The following SANBR variants were observed in gnomAD, a reference collection of about 807,000 sequenced individuals.
SANBR encodes the protein SANT and BTB domain regulator of CSR, also known as SANT and BTB domain regulator of class switch recombination.
SANBR carries 77 observed loss-of-function variants against 101.8 expected under a neutral mutation model. The observed-to-expected ratio is 0.76, with a 90% CI of 0.63 to 0.91. SANBR has a LOEUF of 0.91. Ranked by LOEUF, SANBR falls within the 40% of genes least tolerant of loss-of-function variation. The pLI, the probability that SANBR is intolerant of heterozygous loss-of-function variation, is 0.00. For missense variants in SANBR, 875 were observed against 853.0 expected, an observed-to-expected ratio of 1.03 and a Z score of -0.32; for synonymous variants, 279 against 274.7, an observed-to-expected ratio of 1.02 and a Z score of -0.15.
At chr2:61,091,623 G>T (rs1682765720) in intron 10 of SANBR, among the ~76,000 whole-genome samples, 1 of 7,400 alleles carries the variant, frequency 1.4e-4, no homozygotes, top group Admixed American at 2.3e-3. Flanking sequence ...AGCCAGGTGT[G>T]ATGACACATA....
At chr2:61,114,573 C>G (rs1304550449) in intron 16 of SANBR, among the ~76,000 whole-genome samples, 1 of 152,200 alleles carries the variant, frequency 6.6e-6, no homozygotes, top group African/African-American at 2.4e-5. Context: ...TTCCCACCAT[C>G]CTGACTGAAC....
chr2:61,097,047 A>G (rs1462876171), intron 11 of SANBR, among the ~76,000 whole-genome samples: 2 of 152,076 alleles, frequency 1.3e-5, no homozygotes, highest in African/African-American at 2.4e-5. Flanking sequence ...CCAGCTACTC[A>G]GGAGGCTGAG....
At position 61,087,765 on chromosome 2, in the gene SANBR, C is replaced by G. The variant is rs143871099; in HGVS notation, c.891-394C>G. Among the ~76,000 whole-genome samples, 285 of 151,842 alleles carry G rather than the reference C, an allele frequency of 1.9e-3. 2 individuals carry two copies. Among genetic ancestry groups the G allele is most frequent in the African/African-American group, 6.6e-3 (273 of 41,398 alleles). ...ACTCGGGATGCTCAGGCAGGATAAT[C>G]GCTTGAACCCGGAAGGCAGAGGTTG... is the stretch of plus-strand genomic sequence containing the variant. On this transcript the variant is annotated intron_variant, in intron 8 of 21. Transcript: ENST00000402291.
intron 7 of SANBR, among the ~76,000 whole-genome samples, chr2:61,081,837 C>CG: frequency 6.6e-6 from 1 of 151,984 alleles, no homozygotes; most frequent in Admixed American, 6.6e-5. Context: ...TTTGTAGAGA[C>CG]GGGGTTTTGC....
intron 20 of SANBR, 111 bp downstream of exon 20, chr2:61,118,227 A>G (rs1684169317): frequency 1.4e-6 from 1 of 711,522 alleles, no homozygotes; most frequent in Non-Finnish European, 2.3e-6. Flanking sequence ...AGAGTAATTT[A>G]TGTGTTTGTT....
intron 12 of SANBR, among the ~76,000 whole-genome samples, chr2:61,099,051 A>G (rs759454091): frequency 2.0e-5 from 3 of 152,212 alleles, no homozygotes; most frequent in Non-Finnish European, 4.4e-5. Flanking sequence ...GAAAGGAAAG[A>G]GCATTCTAGT....
intron 21 of SANBR, 77 bp downstream of exon 21, chr2:61,121,353 C>G (rs1573671757): frequency 1.1e-6 from 1 of 875,132 alleles, no homozygotes; most frequent in Non-Finnish European, 1.8e-6. Flanking sequence ...CATATGAACA[C>G]TAGAAACATA....
intron 16 of SANBR, 61 bp downstream of exon 16, chr2:61,109,357 CT>C: frequency 3.2e-6 from 3 of 928,768 alleles, no homozygotes; most frequent in South Asian, 2.0e-5. Flanking sequence ...ATTCTGAAGC[CT>C]TTAATGCAAG....
chr2:61,116,885 TC>T, intron 17 of SANBR, among the ~76,000 whole-genome samples: 1 of 151,896 alleles, frequency 6.6e-6, no homozygotes, highest in Non-Finnish European at 1.5e-5. Context: ...AAACCCCATT[TC>T]TACTAAAAAA....
rs141315892 is a variant in SANBR, at chr2:61,081,485, C to T, written c.704C>T (p.Ser235Leu). 2.5e-5 allele frequency: 38 copies of T among 1,541,798 alleles called. No individual in the cohort carries two copies. The highest frequency in any genetic ancestry group is 7.5e-5 in the South Asian group (6 of 79,552). The change falls in exon 7 of 22, where the codon TCG (serine) becomes TTG (leucine). Residue 235 changes from serine (S) to leucine (L), a missense_variant. Transcript: ENST00000402291. The stretch of plus-strand genomic sequence containing the variant: ...AATGTCATTTCAATTCTTATTTCTT[C>T]GGAGTTTTTAAAAATGGATTCACTA... Reference protein sequence around the residue: ...PGNVISILISSEFLKMDSLVE... With the variant: ...PGNVISILISLEFLKMDSLVE...
chr2:61,109,227 G>C lies in SANBR; in HGVS notation c.1675G>C (p.Glu559Gln). 1.3e-6 allele frequency: 2 copies of C among 1,549,768 alleles called. No individual in the cohort carries two copies. The highest frequency in any genetic ancestry group is 1.7e-6 in the Non-Finnish European group (2 of 1,145,510). Residue 559 changes from glutamate (E) to glutamine (Q), a missense_variant, in exon 16 of 22, where the codon GAA (glutamate) becomes CAA (glutamine). By Grantham distance (29) the Glu-to-Gln change is conservative. Coordinates refer to ENST00000402291, the MANE Select transcript of SANBR (RefSeq NM_001129993.3). ...KQQSLFSEEE[E>Q]YTTGSEVTED... ...ACAGTCACTGTTTTCAGAAGAAGAA[G>C]AATATACCACTGGATCTGAGGTCAC...
At chr2:61,131,079 A>G (rs1445824610) in intron 20 of SANBR, among the ~76,000 whole-genome samples, 1 of 152,112 alleles carries the variant, frequency 6.6e-6, no homozygotes, top group East Asian at 1.9e-4. Flanking sequence ...ACATCTACAA[A>G]AACCCCACAG....
rs1282590119 is a variant in SANBR, at chr2:61,113,410, T to A, written c.1745-2569T>A. Among the ~76,000 whole-genome samples the A allele has an allele frequency of 2.0e-5, 3 of 152,224 alleles. No homozygotes were observed. The East Asian group carries it at 5.8e-4, about 29-fold the overall frequency. On this transcript the variant is annotated intron_variant, in intron 16 of 21. Transcript: ENST00000402291. ...GATTGTGTTGAACCCATATACCAATTTGGGGTGAATTCCTTTTTTTTCCAA... is the reference window on the plus strand; with the variant it reads ...GATTGTGTTGAACCCATATACCAATATGGGGTGAATTCCTTTTTTTTCCAA...
chr2:61,102,719 T>G (rs1240018253), intron 12 of SANBR, among the ~76,000 whole-genome samples: 1 of 151,800 alleles, frequency 6.6e-6, no homozygotes, highest in Non-Finnish European at 1.5e-5. Context: ...TGTATTTTTA[T>G]CGGAGACAGG....
At chr2:61,136,196 C>T (rs781158906) in intron 21 of SANBR, among the ~76,000 whole-genome samples, 2 of 151,160 alleles carry the variant, frequency 1.3e-5, no homozygotes, top group African/African-American at 4.9e-5. Flanking sequence ...CCCAGCTACT[C>T]GGGAGACTAT....
Position 61,123,272 on chromosome 2 carries a change from G to A in SANBR, c.*1110G>A. ...TTAAGTCTTAATTTGCCTTATAACT[G>A]ACATTTCTTCAAATTATTCAGAGAA... On this transcript the variant is annotated 3_prime_UTR_variant, in exon 22 of 22. Transcript: ENST00000402291. The A allele has an allele frequency of 1.0e-6, 1 of 980,478 alleles. No individual in the cohort carries two copies. Among genetic ancestry groups the A allele is most frequent in the Non-Finnish European group, 1.2e-6 (1 of 825,346 alleles). The allele number at this position is 980,478 out of a possible 1,614,324, so 60.7% of individuals were successfully genotyped here.
At chr2:61,112,287 G>C (rs1362189984) in intron 16 of SANBR, among the ~76,000 whole-genome samples, 1 of 152,158 alleles carries the variant, frequency 6.6e-6, no homozygotes, top group Non-Finnish European at 1.5e-5. Context: ...TGGGTAGATA[G>C]TGTTAAGCAA....
intron 8 of SANBR, among the ~76,000 whole-genome samples, chr2:61,087,278 A>G (rs1402018261): frequency 1.3e-5 from 2 of 152,222 alleles, no homozygotes; most frequent in East Asian, 1.9e-4. Context: ...AAAAGAGGCC[A>G]GGCAAGGTGG....
Position 61,070,400 on chromosome 2 carries a change from A to G in SANBR, c.50A>G (p.Gln17Arg). The change falls in exon 3 of 22, where the codon CAA becomes CGA. Residue 17 changes from glutamine to arginine, a missense_variant. Physicochemically the swap from Gln to Arg is conservative, Grantham distance 43. Transcript: ENST00000402291. ...AACAATTTCCTGAACAATAATAACC[A>G]AATGGTATTGGACATGATCCTTTAT... is the stretch of plus-strand genomic sequence containing the variant. ...ENNNFLNNNN[Q>R]MVLDMILYPL... is the part of the protein sequence containing the mutation. 6.3e-7 allele frequency: 1 copy of G among 1,599,532 alleles called. No homozygotes were observed.
Sources: gnomAD v4.1 joint callset for allele counts (sites outside exome capture counted in the v4.1 genomes callset) on GRCh38, gnomAD v4.1.1 for gene constraint, MANE v1.5 for transcripts, NCBI Gene and HGNC (gene_info 2026-07-23, HGNC 2026-07-21) for gene names.